The following DLG2 variants were observed in gnomAD, a reference collection of about 807,000 sequenced individuals.
The protein encoded by DLG2 is discs large MAGUK scaffold protein 2, also known as disks large homolog 2.
In DLG2, 45 loss-of-function variants were observed where a neutral mutation model predicts 132.5. That is an observed-to-expected ratio of 0.34 (90% confidence interval 0.27 to 0.44). The LOEUF (loss-of-function observed/expected upper bound fraction) is 0.44, where lower values mean the gene tolerates loss of function less well. Among genes scored for constraint, DLG2 ranks in the 20% least tolerant of loss-of-function variants. DLG2 has a pLI of 1.00. For synonymous variants in DLG2, 424 were observed against 419.6 expected, an observed-to-expected ratio of 1.01 and a Z score of -0.13; for missense variants, 1,045 against 1,196.9, an observed-to-expected ratio of 0.87 and a Z score of 1.87.
chr11:85,344,152 A>C (rs1285719626), intron 3 of DLG2, among the ~76,000 whole-genome samples: 1 of 152,156 alleles, frequency 6.6e-6, no homozygotes, highest in Admixed American at 6.5e-5. Flanking sequence ...TCCACCTATA[A>C]AATGCAAATA....
chr11:84,112,885 A>G (rs1398741726), intron 9 of DLG2, among the ~76,000 whole-genome samples: 1 of 152,196 alleles, frequency 6.6e-6, no homozygotes, highest in Non-Finnish European at 1.5e-5. Flanking sequence ...TGTGACCCTG[A>G]ACAATTCTCT....
chr11:85,096,884 TC>T (rs2069911010), intron 6 of DLG2, among the ~76,000 whole-genome samples: 1 of 152,154 alleles, frequency 6.6e-6, no homozygotes, highest in Non-Finnish European at 1.5e-5. Context: ...GAAAGGGCTC[TC>T]TAACAACCCC....
intron 3 of DLG2, among the ~76,000 whole-genome samples, chr11:85,487,879 G>C (rs909346755): frequency 6.6e-6 from 1 of 152,158 alleles, no homozygotes; most frequent in African/African-American, 2.4e-5. Context: ...TGTCTAATAT[G>C]GTTTGGCTCT....
chr11:83,819,821 T>A (rs1158781170), intron 17 of DLG2, among the ~76,000 whole-genome samples: 1 of 152,128 alleles, frequency 6.6e-6, no homozygotes, highest in Non-Finnish European at 1.5e-5. Context: ...GAATTATAGG[T>A]CAGTCCAACG....
chr11:85,380,964 T>C (rs1038769496), intron 3 of DLG2, among the ~76,000 whole-genome samples: 2 of 152,082 alleles, frequency 1.3e-5, no homozygotes, highest in African/African-American at 4.8e-5. Context: ...CGGCTAAGAG[T>C]TACAGAAAAA....
At chr11:85,141,498 A>G (rs2152431743) in intron 5 of DLG2, among the ~76,000 whole-genome samples, 1 of 151,492 alleles carries the variant, frequency 6.6e-6, no homozygotes. Context: ...ATTTCCTCCC[A>G]TTGTATAATT....
intron 6 of DLG2, among the ~76,000 whole-genome samples, chr11:84,607,700 C>T (rs533831379): frequency 2.0e-5 from 3 of 152,056 alleles, no homozygotes; most frequent in Admixed American, 2.0e-4. Flanking sequence ...TTACCTCCTC[C>T]TATCTCTGAC....
At chr11:83,816,686 T>C (rs2049036805) in intron 17 of DLG2, among the ~76,000 whole-genome samples, 1 of 152,156 alleles carries the variant, frequency 6.6e-6, no homozygotes, top group South Asian at 2.1e-4. Flanking sequence ...CCTATAACTA[T>C]CCCAAACATA....
At chr11:85,488,605 A>G (rs1432721367) in intron 3 of DLG2, among the ~76,000 whole-genome samples, 1 of 152,208 alleles carries the variant, frequency 6.6e-6, no homozygotes, top group African/African-American at 2.4e-5. Flanking sequence ...AAAATCAGCA[A>G]GAGAAAGGTA....
At chr11:83,549,784 G>C (rs954690343) in intron 19 of DLG2, among the ~76,000 whole-genome samples, 1 of 152,224 alleles carries the variant, frequency 6.6e-6, no homozygotes, top group Admixed American at 6.5e-5. Context: ...GAAAACAGAG[G>C]AGGCACCCTG....
chr11:83,804,579 G>GACACACAC (rs61221099), intron 17 of DLG2, among the ~76,000 whole-genome samples: 16,483 of 142,000 alleles, frequency 0.12, 1,065 homozygotes, highest in South Asian at 0.16. Flanking sequence ...CCTAGCAGAA[G>GACACACAC]ACACACACAC....
At chr11:84,108,915 C>A (rs79920982) in intron 9 of DLG2, among the ~76,000 whole-genome samples, 1 of 151,756 alleles carries the variant, frequency 6.6e-6, no homozygotes, top group African/African-American at 2.4e-5. Flanking sequence ...ATGGCTGGAA[C>A]GTGAAAGGTG....
intron 15 of DLG2, among the ~76,000 whole-genome samples, chr11:83,922,248 T>C (rs2078094527): frequency 1.3e-5 from 2 of 152,128 alleles, no homozygotes; most frequent in Admixed American, 6.6e-5. Flanking sequence ...GGTATTTCTT[T>C]CCATGTAAAC....
Position 83,808,964 on chromosome 11 carries a change from C to A in DLG2, c.1723-22172G>T, listed in dbSNP as rs528105903. Among the ~76,000 whole-genome samples, 183 of 152,172 alleles carry A rather than the reference C, an allele frequency of 1.2e-3. 1 individual carries two copies. The highest frequency in any genetic ancestry group is 0.01 in the Middle Eastern group (3 of 294). Reference sequence around the variant, plus strand: ...TTCCTTCCTTACCTTTCCTCTGCGGCTGGGCTGTGTCTATTTCCTCCTCCT... The same window carrying A: ...TTCCTTCCTTACCTTTCCTCTGCGGATGGGCTGTGTCTATTTCCTCCTCCT... On this transcript the variant is annotated intron_variant, in intron 17 of 27. Transcript: ENST00000376104.
At chr11:84,340,318 C>G (rs2098508684) in intron 7 of DLG2, among the ~76,000 whole-genome samples, 1 of 152,122 alleles carries the variant, frequency 6.6e-6, no homozygotes, top group South Asian at 2.1e-4. Context: ...TCTGCATGCA[C>G]TGTATTTTTT....
intron 11 of DLG2, among the ~76,000 whole-genome samples, chr11:83,992,697 C>T (rs2093792875): frequency 6.6e-6 from 1 of 151,932 alleles, no homozygotes; most frequent in South Asian, 2.1e-4. Flanking sequence ...AAGAAATATC[C>T]AAGTATCCAA....
At position 85,018,854 on chromosome 11, in the gene DLG2, G is replaced by C. The variant is rs548806265; in HGVS notation, c.357+92807C>G. Among the ~76,000 whole-genome samples the C allele has an allele frequency of 7.3e-5, 11 of 151,326 alleles. No homozygotes were observed. The South Asian group carries it at 1.2e-3, about 17-fold the overall frequency. ...GACTTGTTTATTTTGAGGAAAAAAG[G>C]TCTGAAACATCAGGCTGTTCAAAAA... On this transcript the variant is annotated intron_variant, in intron 6 of 27. Transcript: ENST00000376104.
At chr11:84,420,959 C>G (rs1037736007) in intron 7 of DLG2, among the ~76,000 whole-genome samples, 1 of 152,048 alleles carries the variant, frequency 6.6e-6, no homozygotes, top group Admixed American at 6.6e-5. Flanking sequence ...TGAGCCACCG[C>G]GCCCGGCCCC....
At chr11:84,923,061 G>T (rs778221231) in intron 6 of DLG2, 1 of 1,613,932 alleles carries the variant, frequency 6.2e-7, no homozygotes. Flanking sequence ...CCAGTTGCCG[G>T]CTCGCCTCCT....
Sources: allele counts gnomAD v4.1 joint callset (sites outside exome capture counted in the v4.1 genomes callset), GRCh38; gene constraint gnomAD v4.1.1; transcripts MANE v1.5; gene names NCBI Gene and HGNC (gene_info 2026-07-23, HGNC 2026-07-21).